The following EPOR variants were observed in gnomAD, a reference collection of about 807,000 sequenced individuals.
EPOR encodes erythropoietin receptor.
In EPOR, 20 loss-of-function variants were observed where a neutral mutation model predicts 34.3. The ratio of observed to expected loss-of-function variants is 0.58; its 90% CI spans 0.41 to 0.85. The LOEUF (loss-of-function observed/expected upper bound fraction) is 0.85. EPOR is among the 40% of genes least tolerant of loss of function. EPOR has a pLI of 0.00. For synonymous variants in EPOR, 312 were observed against 299.0 expected, an observed-to-expected ratio of 1.04 and a Z score of -0.45; for missense variants, 601 against 672.7, an observed-to-expected ratio of 0.89 and a Z score of 1.18.
rs1968352844 is a variant in EPOR, at chr19:11,381,231, G to A, written c.586-22C>T. ...CCACCTGGGGGCGGAATCAGGGCGAGGGACGCGTAGCAGACAAAAATAGAT... is the reference window on the plus strand; with the variant it reads ...CCACCTGGGGGCGGAATCAGGGCGAAGGACGCGTAGCAGACAAAAATAGAT... On this transcript the variant is annotated intron_variant, in intron 4 of 7. Transcript: ENST00000222139. This position sits in a 1 kb window ranked among gnomAD's most constrained non-coding sequence, Gnocchi z 5.3. The A allele has an allele frequency of 1.3e-6, 2 of 1,548,696 alleles. No individual in the cohort carries two copies. The highest frequency in any genetic ancestry group is 8.7e-7 in the Non-Finnish European group (1 of 1,146,884).
chr19:11,378,301 A>C lies in EPOR; in HGVS notation c.1210T>G (p.Ser404Ala), dbSNP rs1968310322. ...GAGGCCAAAGCAGATGAGCAGGAGG[A>C]TGCTTCTGAGCCTTCATCCATGGCC... is the stretch of plus-strand genomic sequence containing the variant. ...IVAMDEGSEA[S>A]SCSSALASKP... The change falls in exon 8 of 8, where the codon TCC (serine) becomes GCC (alanine). Residue 404 changes from serine to alanine, a missense_variant. Transcript: ENST00000222139. This position sits in a 1 kb window ranked among gnomAD's most constrained non-coding sequence, Gnocchi z 5.3. 1.2e-6 allele frequency: 2 copies of C among 1,613,834 alleles called. No individual in the cohort carries two copies. Among genetic ancestry groups the C allele is most frequent in the African/African-American group, 2.7e-5 (2 of 75,026 alleles).
At position 11,383,088 on chromosome 19, in the gene EPOR, C is replaced by T. The variant is rs775757499; in HGVS notation, c.251+9G>A. The T allele has an allele frequency of 6.2e-7, 1 of 1,613,546 alleles. No individual in the cohort carries two copies. Among genetic ancestry groups the T allele is most frequent in the Non-Finnish European group, 8.5e-7 (1 of 1,179,892 alleles). On this transcript the variant is annotated intron_variant, in intron 2 of 7. Transcript: ENST00000222139. This position sits in a 1 kb window ranked among gnomAD's most constrained non-coding sequence, Gnocchi z 4.9. Reference sequence around the variant, plus strand: ...CCGCCCTTGGAGGCACCCGCCGGATCGGACTCACTCGAGCTGGTAGGAGAA... The same window carrying T: ...CCGCCCTTGGAGGCACCCGCCGGATTGGACTCACTCGAGCTGGTAGGAGAA...
rs1309696356 is a variant in EPOR at position 11,378,785 on chromosome 19, A to C, written c.828-7T>G. On this transcript the variant is annotated splice_polypyrimidine_tract_variant and splice_region_variant and intron_variant, in intron 6 of 7. Coordinates refer to ENST00000222139, the MANE Select transcript of EPOR (RefSeq NM_000121.4). The surrounding 1 kb of genome is among the most constrained non-coding windows in gnomAD (Gnocchi z 5.3). The stretch of plus-strand genomic sequence containing the variant: ...GATCTTCTGCTTCAGAGCCCTGTTG[A>C]AGCCAATATAAATAGTTACATAGAT... 2.5e-6 allele frequency: 4 copies of C among 1,613,782 alleles called. No homozygotes were observed. In the African/African-American group the frequency reaches 5.3e-5, roughly 22 times the overall value.
chr19:11,383,147 C>T lies in EPOR; in HGVS notation c.201G>A (p.Ala67=), dbSNP rs1404853360. 6.2e-7 allele frequency: 1 copy of T among 1,613,540 alleles called. No homozygotes were observed. ...LEDLVCFWEE[A]ASAGVGPGNY... ...TGCCCGGGCCCACCCCAGCGCTCGC[C>T]GCTTCCTCCCAGAAACACACCAAGT... Residue 67 remains alanine (A), a synonymous_variant, in exon 2 of 8, where the codon GCG becomes GCA. Transcript: ENST00000222139. The surrounding 1 kb of genome is among the most constrained non-coding windows in gnomAD (Gnocchi z 4.9).
chr19:11,379,967 C>T (rs1036077364), intron 6 of EPOR, among the ~76,000 whole-genome samples: 1 of 152,220 alleles, frequency 6.6e-6, no homozygotes, highest in Non-Finnish European at 1.5e-5. Context: ...TCCCAAAGTG[C>T]TGGGATTACA....
In EPOR at chr19:11,378,446, C is replaced by A. The variant is rs756310587; in HGVS notation, c.1065G>T (p.Leu355=). 1 of 1,614,044 alleles carries A rather than the reference C, an allele frequency of 6.2e-7. No homozygotes were observed. The highest frequency in any genetic ancestry group is 8.5e-7 in the Non-Finnish European group (1 of 1,180,028). The part of the protein sequence containing the change: ...VEPGTDDEGP[L]LEPVGSEHAQ... ...CATGCTCACTGCCCACTGGCTCCAGCAGGGGGCCCTCATCATCTGTCCCCG... is the reference window on the plus strand; with the variant it reads ...CATGCTCACTGCCCACTGGCTCCAGAAGGGGGCCCTCATCATCTGTCCCCG... Residue 355 remains leucine (L), a synonymous_variant, in exon 8 of 8, where the codon CTG becomes CTT. Transcript: ENST00000222139. This position sits in a 1 kb window ranked among gnomAD's most constrained non-coding sequence, Gnocchi z 5.3.
At position 11,381,236 on chromosome 19, in the gene EPOR, G is replaced by A; in HGVS notation, c.586-27C>T. 2 of 1,548,518 alleles carry A rather than the reference G, an allele frequency of 1.3e-6. No homozygotes were observed. Among genetic ancestry groups the A allele is most frequent in the African/African-American group, 1.4e-5 (1 of 73,114 alleles). The stretch of plus-strand genomic sequence containing the variant: ...TGGGGGCGGAATCAGGGCGAGGGAC[G>A]CGTAGCAGACAAAAATAGATGACGT... On this transcript the variant is annotated intron_variant, in intron 4 of 7. Transcript: ENST00000222139. The surrounding 1 kb of genome is among the most constrained non-coding windows in gnomAD (Gnocchi z 5.3).
In EPOR at chr19:11,383,130, C is replaced by T. The variant is rs751128212; in HGVS notation, c.218G>A (p.Gly73Asp). ...GTAGGAGAAGCTGTAGTTGCCCGGGCCCACCCCAGCGCTCGCCGCTTCCTC... is the reference window on the plus strand; with the variant it reads ...GTAGGAGAAGCTGTAGTTGCCCGGGTCCACCCCAGCGCTCGCCGCTTCCTC... ...FWEEAASAGV[G>D]PGNYSFSYQL... The change falls in exon 2 of 8, where the codon GGC becomes GAC. Residue 73 changes from glycine to aspartate, a missense_variant. By Grantham distance (94) the Gly-to-Asp change is moderately conservative (BLOSUM62 -1). Transcript: ENST00000222139. This position sits in a 1 kb window ranked among gnomAD's most constrained non-coding sequence, Gnocchi z 4.9. 1 of 1,613,642 alleles carries T rather than the reference C, an allele frequency of 6.2e-7. No individual in the cohort carries two copies. The highest frequency in any genetic ancestry group is 8.5e-7 in the Non-Finnish European group (1 of 1,179,942).
chr19:11,383,186 G>T lies in EPOR; in HGVS notation c.162C>A (p.Thr54=). Residue 54 remains threonine (T), a synonymous_variant, in exon 2 of 8, where the codon ACC becomes ACA. Transcript: ENST00000222139. The surrounding 1 kb of genome is among the most constrained non-coding windows in gnomAD (Gnocchi z 4.9). The part of the protein sequence containing the change: ...ARGPEELLCF[T]ERLEDLVCFW... ...AACACACCAAGTCCTCCAACCGCTC[G>T]GTGAAGCACAGAAGCTCTTCGGGCC... 1.9e-6 allele frequency: 3 copies of T among 1,611,710 alleles called. No individual in the cohort carries two copies. Among genetic ancestry groups the T allele is most frequent in the Non-Finnish European group, 1.7e-6 (2 of 1,179,598 alleles).
In EPOR at chr19:11,381,138, G is replaced by T. The variant is rs61729384; in HGVS notation, c.657C>A (p.Ala219=). 1.1e-3 allele frequency: 1,657 copies of T among 1,567,172 alleles called. 13 individuals are homozygous for T. The African/African-American group carries it at 0.013, about 13-fold the overall frequency. ...NLRGRTRYTF[A]VRARMAEPSF... ...TCGGCTCAGCCATACGCGCGCGGAC[G>T]GCGAAGGTGTAGCGCGTCCGGCCCC... Residue 219 remains alanine (A), a synonymous_variant, in exon 5 of 8, where the codon GCC becomes GCA. Coordinates refer to ENST00000222139, the MANE Select transcript of EPOR (RefSeq NM_000121.4). This position sits in a 1 kb window ranked among gnomAD's most constrained non-coding sequence, Gnocchi z 5.3.
In EPOR at chr19:11,377,985, T is replaced by G. The variant is rs1243714142; in HGVS notation, c.1526A>C (p.Ter509SerextTer12). ...PLPPSYVACS[*>S] ...CCTGATCATCTGCAGCCTGGTGTCC[T>G]AAGAGCAAGCCACATAGCTGGGGGG... The change falls in exon 8 of 8, where the codon TAG (stop) becomes TCG (serine). Residue 509 changes from the stop codon to serine (S), a stop_lost. Transcript: ENST00000222139. The G allele has an allele frequency of 6.2e-7, 1 of 1,614,018 alleles. No individual in the cohort carries two copies. The highest frequency in any genetic ancestry group is 8.5e-7 in the Non-Finnish European group (1 of 1,180,004).
chr19:11,382,691 G>A (rs1968379317), intron 2 of EPOR, among the ~76,000 whole-genome samples: 1 of 151,488 alleles, frequency 6.6e-6, no homozygotes, highest in Non-Finnish European at 1.5e-5. Context: ...CGGGGATCTC[G>A]CTGTGTTGCC....
In EPOR at chr19:11,378,141, A is replaced by C; in HGVS notation, c.1370T>G (p.Leu457Arg). Residue 457 changes from leucine (L) to arginine (R), a missense_variant, in exon 8 of 8, where the codon CTT becomes CGT. Physicochemically the swap from Leu to Arg is moderately radical, Grantham distance 102. Transcript: ENST00000222139. This position sits in a 1 kb window ranked among gnomAD's most constrained non-coding sequence, Gnocchi z 5.3. ...TGAGATGCCAGAGTCAGATACCACA[A>C]GGTACAGGTACTTTAGGTGGGGTGG... ...PTPPHLKYLY[L>R]VVSDSGISTD... 6.2e-7 allele frequency: 1 copy of C among 1,614,050 alleles called. No individual in the cohort carries two copies. Among genetic ancestry groups the C allele is most frequent in the Non-Finnish European group, 8.5e-7 (1 of 1,180,000 alleles).
At chr19:11,382,551 TAG>T (rs1968377377) in intron 2 of EPOR, among the ~76,000 whole-genome samples, 1 of 152,008 alleles carries the variant, frequency 6.6e-6, no homozygotes, top group Non-Finnish European at 1.5e-5. Flanking sequence ...TTAGTAGAGA[TAG>T]AGTTTCTCCA....
In EPOR at chr19:11,381,670, G is replaced by T; in HGVS notation, c.585+22C>A. On this transcript the variant is annotated intron_variant, in intron 4 of 7. Coordinates refer to ENST00000222139, the MANE Select transcript of EPOR (RefSeq NM_000121.4). The surrounding 1 kb of genome is among the most constrained non-coding windows in gnomAD (Gnocchi z 5.3). The stretch of plus-strand genomic sequence containing the variant: ...CGTAGTCAGTGGAGCTTTGGGGGCT[G>T]GGCCGTAGGGGCTGGCCTCACCCTC... 6.3e-7 allele frequency: 1 copy of T among 1,588,506 alleles called. No homozygotes were observed. The highest frequency in any genetic ancestry group is 8.6e-7 in the Non-Finnish European group (1 of 1,167,528).
In EPOR at chr19:11,381,020, C is replaced by T; in HGVS notation, c.739+36G>A. 1.9e-6 allele frequency: 3 copies of T among 1,576,432 alleles called. No homozygotes were observed. The highest frequency in any genetic ancestry group is 2.3e-5 in the South Asian group (2 of 86,166). On this transcript the variant is annotated intron_variant, in intron 5 of 7. Coordinates refer to ENST00000222139, the MANE Select transcript of EPOR (RefSeq NM_000121.4). The surrounding 1 kb of genome is among the most constrained non-coding windows in gnomAD (Gnocchi z 5.3). ...GGCGGTGGGCTTGCCCCGTGATTCG[C>T]CCTGGCTCCTCCTACACCCCCGCCT...
Position 11,378,885 on chromosome 19 carries a change from T to A in EPOR, c.828-107A>T. The A allele has an allele frequency of 8.7e-7, 1 of 1,145,148 alleles. No homozygotes were observed. The highest frequency in any genetic ancestry group is 1.3e-6 in the Non-Finnish European group (1 of 780,474). 70.9% of individuals were successfully genotyped at this position (1,145,148 alleles called of 1,614,324 possible). ...GCACAGATACACTTGGTCCCTGTGA[T>A]CACAATGGAGGCAGAGGAGTACATC... On this transcript the variant is annotated intron_variant, in intron 6 of 7. Transcript: ENST00000222139. This position sits in a 1 kb window ranked among gnomAD's most constrained non-coding sequence, Gnocchi z 5.3.
rs368363386 is a variant in EPOR at position 11,378,460 on chromosome 19, C to G, written c.1051G>C (p.Asp351His). The change falls in exon 8 of 8, where the codon GAT (aspartate) becomes CAT (histidine). Residue 351 changes from aspartate (D) to histidine (H), a missense_variant. Physicochemically the swap from Asp to His is moderately conservative, Grantham distance 81 (BLOSUM62 -1). Transcript: ENST00000222139. This position sits in a 1 kb window ranked among gnomAD's most constrained non-coding sequence, Gnocchi z 5.3. The stretch of plus-strand genomic sequence containing the variant: ...ACTGGCTCCAGCAGGGGGCCCTCAT[C>G]ATCTGTCCCCGGCTCCACTGCCTGC... The part of the protein sequence containing the change: ...TMQAVEPGTD[D>H]EGPLLEPVGS... 7 of 1,614,196 alleles carry G rather than the reference C, an allele frequency of 4.3e-6. No homozygotes were observed. Among genetic ancestry groups the G allele is most frequent in the Non-Finnish European group, 5.9e-6 (7 of 1,180,030 alleles).
intron 6 of EPOR, among the ~76,000 whole-genome samples, chr19:11,379,301 G>C (rs1018736655): frequency 2.6e-4 from 39 of 152,152 alleles, no homozygotes; most frequent in African/African-American, 9.4e-4. Context: ...TAAAATCCAA[G>C]CCAGGCACGG....
Sources: allele counts gnomAD v4.1 joint callset (sites outside exome capture counted in the v4.1 genomes callset), GRCh38; gene constraint gnomAD v4.1.1; non-coding constraint Gnocchi (gnomAD v3.1); transcripts MANE v1.5; gene names NCBI Gene and HGNC (gene_info 2026-07-23, HGNC 2026-07-21).